The following STIL variants were observed in gnomAD, a reference collection of about 807,000 sequenced individuals.
STIL encodes the protein STIL centriolar assembly protein, also known as SCL-interrupting locus protein.
A neutral mutation model predicts 110.1 loss-of-function variants in STIL; 55 were observed. The ratio of observed to expected loss-of-function variants is 0.50; its 90% CI spans 0.40 to 0.63. The LOEUF (loss-of-function observed/expected upper bound fraction) is 0.63, where lower values mean the gene tolerates loss of function less well. STIL is among the 20% of genes least tolerant of loss of function. STIL has a pLI of 0.00. For synonymous variants in STIL, 481 were observed against 530.0 expected (o/e 0.91, Z 1.27); for missense variants, 1,358 against 1,530.0 (o/e 0.89, Z 1.87).
chr1:47,307,209 T>C (rs1451494131), intron 2 of STIL, among the ~76,000 whole-genome samples: 1 of 152,172 alleles, frequency 6.6e-6, no homozygotes, highest in Admixed American at 6.5e-5. Flanking sequence ...TAATCCCAGT[T>C]ACTCAGGAGG....
At chr1:47,265,428 C>T (rs1420853041) in intron 14 of STIL, among the ~76,000 whole-genome samples, 1 of 151,868 alleles carries the variant, frequency 6.6e-6, no homozygotes, top group South Asian at 2.1e-4. Flanking sequence ...TACTTTGGGG[C>T]TCACCCCATG....
At chr1:47,278,049 T>C (rs1345713181) in intron 12 of STIL, among the ~76,000 whole-genome samples, 1 of 152,176 alleles carries the variant, frequency 6.6e-6, no homozygotes, top group Non-Finnish European at 1.5e-5. Flanking sequence ...TTTGCAATAC[T>C]AGAACAGGAA....
chr1:47,262,458 GCA>G (rs1432370470), intron 15 of STIL, among the ~76,000 whole-genome samples: 2 of 152,184 alleles, frequency 1.3e-5, no homozygotes, highest in African/African-American at 4.8e-5. Flanking sequence ...GCTCTCAAGG[GCA>G]CAGAGTGTCA....
intron 12 of STIL, among the ~76,000 whole-genome samples, chr1:47,277,841 GA>G (rs200788016): frequency 6.7e-6 from 1 of 150,052 alleles, no homozygotes; most frequent in Non-Finnish European, 1.5e-5. Context: ...GTGAACAACT[GA>G]AAAAAAAATT....
intron 4 of STIL, 72 bp from the exon 5 acceptor site, chr1:47,301,820 A>G (rs1645813105): frequency 2.1e-6 from 3 of 1,425,758 alleles, no homozygotes; most frequent in African/African-American, 1.4e-5. Flanking sequence ...GCAAGACTAC[A>G]TTATAGCAAA....
chr1:47,281,313 T>G (rs754517698), intron 11 of STIL, 104 bp from the exon 12 acceptor site: 3 of 1,176,976 alleles, frequency 2.5e-6, no homozygotes, highest in Non-Finnish European at 3.5e-6. Context: ...AATTACATAT[T>G]AACAAGTGTT....
intron 14 of STIL, among the ~76,000 whole-genome samples, chr1:47,264,512 A>C (rs11589932): frequency 0.068 from 10,372 of 152,306 alleles, 599 homozygotes; most frequent in East Asian, 0.3. Flanking sequence ...TTTAAAAGAA[A>C]GTCTCTATAA....
intron 9 of STIL, among the ~76,000 whole-genome samples, chr1:47,289,074 A>AAG: frequency 6.7e-6 from 1 of 148,696 alleles, no homozygotes; most frequent in Middle Eastern, 3.5e-3. Context: ...AAAAAAAAAA[A>AAG]AAAAAAAAAA....
At chr1:47,293,805 G>A (rs899952304) in intron 7 of STIL, among the ~76,000 whole-genome samples, 1 of 152,080 alleles carries the variant, frequency 6.6e-6, no homozygotes, top group Non-Finnish European at 1.5e-5. Flanking sequence ...GCAAGCACGC[G>A]TATCTCTGTC....
chr1:47,287,679 T>C lies in STIL; in HGVS notation c.1024-19A>G. 6.4e-7 allele frequency: 1 copy of C among 1,574,124 alleles called. No homozygotes were observed. Among genetic ancestry groups the C allele is most frequent in the Non-Finnish European group, 8.7e-7 (1 of 1,144,066 alleles). On this transcript the variant is annotated intron_variant, in intron 9 of 16. Transcript: ENST00000371877. ...CAACATTCTGAAATGAAGTAGGTCA[T>C]ATTTTGAGATCTGACTTAAATAAGA... is the stretch of plus-strand genomic sequence containing the variant.
At chr1:47,285,558 AG>A (rs1645272970) in intron 10 of STIL, among the ~76,000 whole-genome samples, 1 of 152,114 alleles carries the variant, frequency 6.6e-6, no homozygotes, top group Non-Finnish European at 1.5e-5. Flanking sequence ...CTTGGGTTCA[AG>A]TGATTCTCTT....
chr1:47,250,929 C>T lies in STIL; in HGVS notation c.*207G>A. 1 of 551,252 alleles carries T rather than the reference C, an allele frequency of 1.8e-6. No homozygotes were observed. Among genetic ancestry groups the T allele is most frequent in the East Asian group, 3.0e-5 (1 of 33,162 alleles). The allele number at this position is 551,252 out of a possible 1,614,324, so 34.1% of individuals were successfully genotyped here. On this transcript the variant is annotated 3_prime_UTR_variant, in exon 17 of 17. Transcript: ENST00000371877. Reference sequence around the variant, plus strand: ...ATCTCAGGGCTTTTCTTAAAGGTTTCAGTGATGTTGAACAGCTCTATTTGA... The same window carrying T: ...ATCTCAGGGCTTTTCTTAAAGGTTTTAGTGATGTTGAACAGCTCTATTTGA...
In STIL at chr1:47,272,100, C is replaced by T. The variant is rs148818578; in HGVS notation, c.2359G>A (p.Gly787Ser). 135 of 1,614,084 alleles carry T rather than the reference C, an allele frequency of 8.4e-5. No homozygotes were observed. In the Middle Eastern group the frequency reaches 9.9e-4, roughly 12 times the overall value. ...QSSPGLHMRK[G>S]VSIAVSTGAS... ...CCTGTGCTCACAGCAATGCTTACAC[C>T]TTTTCTCATGTGCAAGCCAGGGGAA... is the stretch of plus-strand genomic sequence containing the variant. The change falls in exon 13 of 17, where the codon GGT becomes AGT. Residue 787 changes from glycine to serine, a missense_variant. Transcript: ENST00000371877.
At chr1:47,303,273 C>T (rs865794011) in intron 3 of STIL, among the ~76,000 whole-genome samples, 1 of 152,058 alleles carries the variant, frequency 6.6e-6, no homozygotes, top group Non-Finnish European at 1.5e-5. Context: ...TTTTAAAAAA[C>T]CTAAATGAGG....
Position 47,251,433 on chromosome 1 carries a change from G to A in STIL, c.3570C>T (p.Asn1190=), listed in dbSNP as rs748683034. Residue 1190 remains asparagine (N), a synonymous_variant, in exon 17 of 17, where the codon AAC becomes AAT. Coordinates refer to ENST00000371877, the MANE Select transcript of STIL (RefSeq NM_001048166.1). ...TATTTCTCAATACTGGCGTATCTGC[G>A]TTGGTCCCCACAGATTCACAGTTAG... ...NCSNCESVGT[N]ADTPVLRNIT... The A allele has an allele frequency of 1.4e-5, 23 of 1,614,038 alleles. No homozygotes were observed. The highest frequency in any genetic ancestry group is 3.3e-5 in the South Asian group (3 of 91,080).
At chr1:47,290,702 CAAA>C (rs546994585) in intron 8 of STIL, among the ~76,000 whole-genome samples, 5 of 75,818 alleles carry the variant, frequency 6.6e-5, no homozygotes, top group Non-Finnish European at 2.7e-5. Context: ...GACTCCGTCT[CAAA>C]AAAAAAAAAA....
chr1:47,311,516 G>A (rs1340725764), intron 1 of STIL, among the ~76,000 whole-genome samples: 1 of 151,142 alleles, frequency 6.6e-6, no homozygotes, highest in Non-Finnish European at 1.5e-5. Context: ...CGAACTCTTG[G>A]ATTAAAGCAA....
At chr1:47,265,260 A>AAAAAAAAAAC (rs1553170532) in intron 14 of STIL, among the ~76,000 whole-genome samples, 50 of 148,404 alleles carry the variant, frequency 3.4e-4, no homozygotes, top group African/African-American at 1.0e-3. Flanking sequence ...AAAAAAAAAA[A>AAAAAAAAAAC]CACAAGATTG....
rs949100455 is a variant in STIL, at chr1:47,301,732, T to G, written c.282A>C (p.Thr94=). ...LTADEDEEGV[T]LTVDRFDPGR... Reference sequence around the variant, plus strand: ...CAGGATCAAAGCGATCTACTGTCAATGTTACACCTTCTTCATCTGTAGAAC... The same window carrying G: ...CAGGATCAAAGCGATCTACTGTCAAGGTTACACCTTCTTCATCTGTAGAAC... The change falls in exon 5 of 17, where the codon ACA becomes ACC. Residue 94 remains threonine (T), a synonymous_variant. Transcript: ENST00000371877. 1.1e-5 allele frequency: 17 copies of G among 1,613,882 alleles called. No individual in the cohort carries two copies. Among genetic ancestry groups the G allele is most frequent in the Non-Finnish European group, 1.4e-5 (16 of 1,180,016 alleles).
Sources: allele counts gnomAD v4.1 joint callset (sites outside exome capture counted in the v4.1 genomes callset), GRCh38; gene constraint gnomAD v4.1.1; transcripts MANE v1.5; gene names NCBI Gene and HGNC (gene_info 2026-07-23, HGNC 2026-07-21).